The following SCHIP1 variants were observed in gnomAD, a reference collection of about 807,000 sequenced individuals.
SCHIP1 encodes schwannomin-interacting protein 1.
Under a neutral mutation model 29.7 loss-of-function variants are expected in SCHIP1, and 8 were observed. The observed-to-expected ratio is 0.27, with a 90% CI of 0.16 to 0.49. SCHIP1 has a LOEUF of 0.49. Ranked by LOEUF, SCHIP1 falls within the 20% of genes least tolerant of loss-of-function variation. SCHIP1 has a pLI of 0.99. For missense variants in SCHIP1, 193 were observed against 294.6 expected (o/e 0.66, Z 2.52); for synonymous variants, 76 against 94.9 (o/e 0.80, Z 1.16).
chr3:159,788,426 AGAGCG>A, the SCHIP1 span, among the ~76,000 whole-genome samples: 1 of 152,230 alleles, frequency 6.6e-6, no homozygotes, highest in African/African-American at 2.4e-5. Context: ...TGCCGAGTGT[AGAGCG>A]TTCTTTCACT....
the SCHIP1 span, among the ~76,000 whole-genome samples, chr3:159,395,174 A>T: frequency 8.6e-5 from 13 of 151,888 alleles, no homozygotes; most frequent in Non-Finnish European, 8.8e-5. Context: ...TATCCCCTTT[A>T]TCATTTTTTA....
intron 2 of SCHIP1, among the ~76,000 whole-genome samples, chr3:159,883,080 G>A (rs1716607907): frequency 6.6e-6 from 1 of 152,178 alleles, no homozygotes; most frequent in African/African-American, 2.4e-5. Flanking sequence ...GGTGTGTAAG[G>A]GAGAAGAGCT....
chr3:159,695,384 T>C, the SCHIP1 span, among the ~76,000 whole-genome samples: 2 of 152,178 alleles, frequency 1.3e-5, no homozygotes, highest in Admixed American at 6.5e-5. Context: ...TTCCCTACTC[T>C]CTTCTTGCAT....
the SCHIP1 span, among the ~76,000 whole-genome samples, chr3:159,355,632 G>A: frequency 5.9e-5 from 9 of 152,042 alleles, no homozygotes; most frequent in African/African-American, 2.2e-4. Context: ...TGGAGAAAGA[G>A]TTTCTTCCCT....
At chr3:159,770,565 TAC>T in the SCHIP1 span, among the ~76,000 whole-genome samples, 4 of 152,162 alleles carry the variant, frequency 2.6e-5, no homozygotes, top group African/African-American at 9.7e-5. Context: ...GGCCTGAATA[TAC>T]ACTTTCATTT....
chr3:159,375,120 C>T, the SCHIP1 span, among the ~76,000 whole-genome samples: 2 of 152,142 alleles, frequency 1.3e-5, no homozygotes, highest in Admixed American at 6.6e-5. Context: ...CCATGGCTAC[C>T]ATTGTATTTC....
At chr3:159,602,661 A>G in the SCHIP1 span, among the ~76,000 whole-genome samples, 1 of 151,856 alleles carries the variant, frequency 6.6e-6, no homozygotes, top group East Asian at 1.9e-4. Flanking sequence ...GTGAGCCAAG[A>G]TTGCACCACT....
the SCHIP1 span, chr3:159,768,431 C>T: frequency 3.3e-5 from 5 of 152,188 alleles, no homozygotes; most frequent in African/African-American, 1.2e-4. Context: ...TCTTTCCTTC[C>T]TCTTAGTTGT....
chr3:159,679,407 G>T, the SCHIP1 span, among the ~76,000 whole-genome samples: 1 of 152,206 alleles, frequency 6.6e-6, no homozygotes, highest in Admixed American at 6.5e-5. Flanking sequence ...GACTTGTGGG[G>T]AAGAGTAAAC....
intron 1 of SCHIP1, among the ~76,000 whole-genome samples, chr3:159,842,675 C>G (rs950070583): frequency 6.6e-6 from 1 of 152,066 alleles, no homozygotes; most frequent in African/African-American, 2.4e-5. Flanking sequence ...CCTGCACCTG[C>G]TATTCCTTCT....
chr3:159,493,230 G>A, the SCHIP1 span, among the ~76,000 whole-genome samples: 1 of 152,152 alleles, frequency 6.6e-6, no homozygotes, highest in Non-Finnish European at 1.5e-5. Context: ...CATAATGACA[G>A]GATCAAATTC....
At chr3:159,885,927 T>G (rs1213680334) in intron 2 of SCHIP1, among the ~76,000 whole-genome samples, 1 of 152,236 alleles carries the variant, frequency 6.6e-6, no homozygotes, top group Non-Finnish European at 1.5e-5. Context: ...CACATTTTTA[T>G]TGTGCACCAA....
At chr3:159,601,817 G>A in the SCHIP1 span, among the ~76,000 whole-genome samples, 1 of 152,196 alleles carries the variant, frequency 6.6e-6, no homozygotes, top group African/African-American at 2.4e-5. Flanking sequence ...CAGCACCTTT[G>A]GCTCTAGCCA....
chr3:159,797,008 C>T, the SCHIP1 span, among the ~76,000 whole-genome samples: 1 of 152,106 alleles, frequency 6.6e-6, no homozygotes, highest in African/African-American at 2.4e-5. Context: ...TTTCTGTTGC[C>T]CAGGAGATCC....
chr3:159,499,182 A>T, the SCHIP1 span, among the ~76,000 whole-genome samples: 1 of 152,180 alleles, frequency 6.6e-6, no homozygotes, highest in Non-Finnish European at 1.5e-5. Context: ...TCCTCTACTG[A>T]ATTACTCATA....
rs969221862 is a variant in SCHIP1 at position 159,879,279 on chromosome 3, TTC to T, written c.150-6926_150-6925del. 3.9e-4 allele frequency among the ~76,000 whole-genome samples: 59 copies of T among 152,180 alleles called. 1 individual carries two copies. Among genetic ancestry groups the T allele is most frequent in the African/African-American group, 1.2e-3 (51 of 41,538 alleles). The stretch of plus-strand genomic sequence containing the variant: ...TTGTTTTGCTTTCTTTCTTTTTTTT[TTC>T]TTTCTTCTCTTTTTTTCTACCATTA... On this transcript the variant is annotated intron_variant, in intron 2 of 6. Coordinates refer to ENST00000445224, the Ensembl canonical transcript of SCHIP1.
chr3:159,361,814 T>C, the SCHIP1 span, among the ~76,000 whole-genome samples: 1 of 152,170 alleles, frequency 6.6e-6, no homozygotes, highest in Non-Finnish European at 1.5e-5. Context: ...AAATGTATAT[T>C]CAAAAATGAC....
the SCHIP1 span, among the ~76,000 whole-genome samples, chr3:159,465,377 AAG>A: frequency 1.7e-4 from 25 of 149,318 alleles, no homozygotes; most frequent in East Asian, 4.5e-3. Context: ...ATTAGAGAGA[AAG>A]AGAGAGAAAG....
the SCHIP1 span, among the ~76,000 whole-genome samples, chr3:159,309,750 G>A: frequency 6.6e-6 from 1 of 152,104 alleles, no homozygotes; most frequent in East Asian, 1.9e-4. Flanking sequence ...TTCTTGGAAT[G>A]TTTCAAAACC....
Sources: allele counts gnomAD v4.1 joint callset (sites outside exome capture counted in the v4.1 genomes callset), GRCh38; gene constraint gnomAD v4.1.1; transcripts MANE v1.5; gene names NCBI Gene and HGNC (gene_info 2026-07-23, HGNC 2026-07-21).